Variants in FUT9 observed in about 807,000 individuals in gnomAD.
The protein encoded by FUT9 is 4-galactosyl-N-acetylglucosaminide 3-alpha-L-fucosyltransferase 9.
Under a neutral mutation model 29.7 loss-of-function variants are expected in FUT9, and 15 were observed. The ratio of observed to expected loss-of-function variants is 0.51; its 90% CI spans 0.34 to 0.78. The LOEUF (loss-of-function observed/expected upper bound fraction) is 0.78. FUT9 is among the 30% of genes least tolerant of loss of function. The pLI, the probability that FUT9 is intolerant of heterozygous loss-of-function variation, is 0.01. For synonymous variants in FUT9, 169 were observed against 153.7 expected (o/e 1.10, Z -0.74); for missense variants, 319 against 425.4 (o/e 0.75, Z 2.20).
intron 2 of FUT9, among the ~76,000 whole-genome samples, chr6:96,135,373 A>G (rs1562137988): frequency 6.6e-6 from 1 of 151,906 alleles, no homozygotes; most frequent in South Asian, 2.1e-4. Flanking sequence ...ACAATGTCCT[A>G]TTGGAATTAG....
intron 2 of FUT9, among the ~76,000 whole-genome samples, chr6:96,183,502 G>A (rs1183970893): frequency 6.6e-6 from 1 of 151,948 alleles, no homozygotes; most frequent in African/African-American, 2.4e-5. Context: ...GGTGAGAGTG[G>A]GCATCCTTGT....
Position 96,209,313 on chromosome 6 carries a change from T to C in FUT9, c.*5078T>C, listed in dbSNP as rs1773890565. The C allele has an allele frequency of 2.4e-5, 4 of 166,374 alleles. No homozygotes were observed. Among genetic ancestry groups the C allele is most frequent in the Admixed American group, 6.6e-5 (1 of 15,226 alleles). The allele number at this position is 166,374 out of a possible 1,614,324, so 10.3% of individuals were successfully genotyped here. ...CTGTGTAGATATTTAAAGTATGAAA[T>C]TGATTATTTAAACTAATATGTGGAA... On this transcript the variant is annotated 3_prime_UTR_variant, in exon 3 of 3. Coordinates refer to ENST00000302103, the MANE Select transcript of FUT9 (RefSeq NM_006581.4).
chr6:96,079,876 T>C (rs950792040), intron 1 of FUT9, among the ~76,000 whole-genome samples: 2 of 151,990 alleles, frequency 1.3e-5, no homozygotes, highest in African/African-American at 4.8e-5. Flanking sequence ...TTTAATAAAC[T>C]CTAAGAAAAT....
chr6:96,064,499 A>G (rs190349388), intron 1 of FUT9, among the ~76,000 whole-genome samples: 16 of 152,250 alleles, frequency 1.1e-4, no homozygotes, highest in African/African-American at 3.9e-4. Context: ...TAGAGCAAGG[A>G]GCTCTTAGAG....
intron 1 of FUT9, among the ~76,000 whole-genome samples, chr6:96,090,733 A>T (rs17056087): frequency 0.26 from 40,125 of 151,574 alleles, 6,238 homozygotes; most frequent in Non-Finnish European, 0.34. Context: ...GACAATTATT[A>T]AAAAAAAGTT....
chr6:96,089,121 C>T lies in FUT9; in HGVS notation c.-97-24918C>T, dbSNP rs527905230. 2.0e-5 allele frequency among the ~76,000 whole-genome samples: 3 copies of T among 152,270 alleles called. No homozygotes were observed. The South Asian group carries it at 6.2e-4, about 32-fold the overall frequency. ...GAATACAAACTATAACTATTCCTGGCCATATGTGAGATCTGAAGGGTTGCT... is the reference window on the plus strand; with the variant it reads ...GAATACAAACTATAACTATTCCTGGTCATATGTGAGATCTGAAGGGTTGCT... On this transcript the variant is annotated intron_variant, in intron 1 of 2. Coordinates refer to ENST00000302103, the MANE Select transcript of FUT9 (RefSeq NM_006581.4).
rs566831406 is a variant in FUT9, at chr6:96,206,888, A to G, written c.*2653A>G. 4.8e-5 allele frequency: 8 copies of G among 167,134 alleles called. No homozygotes were observed. The Admixed American group carries it at 5.2e-4, about 11-fold the overall frequency. The allele number at this position is 167,134 out of a possible 1,614,324, so 10.4% of individuals were successfully genotyped here. On this transcript the variant is annotated 3_prime_UTR_variant, in exon 3 of 3. Transcript: ENST00000302103. Reference sequence around the variant, plus strand: ...TGAAAGACCTAAAGGCAGTGTCTCTATTGTTGACTACAAATGTAGGCTCTT... The same window carrying G: ...TGAAAGACCTAAAGGCAGTGTCTCTGTTGTTGACTACAAATGTAGGCTCTT...
chr6:96,203,282 T>C lies in FUT9; in HGVS notation c.127T>C (p.Ser43Pro). The change falls in exon 3 of 3, where the codon TCA (serine) becomes CCA (proline). Residue 43 changes from serine to proline, a missense_variant. By Grantham distance (74) the Ser-to-Pro change is moderately conservative. Coordinates refer to ENST00000302103, the MANE Select transcript of FUT9 (RefSeq NM_006581.4). ...CAGCTGGATCTTCAGTCCAATGGAA[T>C]CAGCCAGCTCTGTGCTGAAAATGAA... is the stretch of plus-strand genomic sequence containing the variant. ...TNSWIFSPMESASSVLKMKNF... is the reference protein window; with the variant it reads ...TNSWIFSPMEPASSVLKMKNF... The C allele has an allele frequency of 6.2e-7, 1 of 1,613,942 alleles. No homozygotes were observed. The highest frequency in any genetic ancestry group is 8.5e-7 in the Non-Finnish European group (1 of 1,179,922).
chr6:96,173,905 A>C (rs753442065), intron 2 of FUT9, among the ~76,000 whole-genome samples: 1 of 152,048 alleles, frequency 6.6e-6, no homozygotes, highest in Non-Finnish European at 1.5e-5. Context: ...CTATTAAAAA[A>C]CCATTTTGCA....
intron 1 of FUT9, among the ~76,000 whole-genome samples, chr6:96,098,110 GA>G (rs35825355): frequency 6.6e-6 from 1 of 150,682 alleles, no homozygotes; most frequent in Non-Finnish European, 1.5e-5. Flanking sequence ...AGAAAACAAA[GA>G]AAAAAAAATA....
At chr6:96,112,035 T>A (rs1244791233) in intron 1 of FUT9, among the ~76,000 whole-genome samples, 2 of 152,204 alleles carry the variant, frequency 1.3e-5, no homozygotes, top group African/African-American at 4.8e-5. Flanking sequence ...TTATTTTTTC[T>A]AATTGGGACT....
chr6:96,112,012 A>G (rs1258619446), intron 1 of FUT9, among the ~76,000 whole-genome samples: 1 of 152,192 alleles, frequency 6.6e-6, no homozygotes, highest in Non-Finnish European at 1.5e-5. Flanking sequence ...CATTTACTCT[A>G]TAAAGCATTT....
At chr6:96,072,564 C>CCACAATT (rs1318009980) in intron 1 of FUT9, among the ~76,000 whole-genome samples, 1 of 152,092 alleles carries the variant, frequency 6.6e-6, no homozygotes, top group East Asian at 1.9e-4. Context: ...ATAATGATGT[C>CCACAATT]CACAATTCAC....
Position 96,177,905 on chromosome 6 carries a change from T to G in FUT9, c.-8-25243T>G, listed in dbSNP as rs577047927. On this transcript the variant is annotated intron_variant, in intron 2 of 2. Transcript: ENST00000302103. ...AAAATTATTACTCTTCCATTAGAAT[T>G]ACACCAACCAATAATATTTATACAG... 4.4e-4 allele frequency among the ~76,000 whole-genome samples: 67 copies of G among 152,278 alleles called. 1 individual carries two copies. The South Asian group carries it at 0.013, about 31-fold the overall frequency.
At chr6:96,082,210 T>A (rs976054910) in intron 1 of FUT9, among the ~76,000 whole-genome samples, 1 of 151,806 alleles carries the variant, frequency 6.6e-6, no homozygotes, top group Non-Finnish European at 1.5e-5. Context: ...TTTTTATTAT[T>A]CTTTAGCAGA....
intron 2 of FUT9, among the ~76,000 whole-genome samples, chr6:96,142,139 C>T (rs1772474954): frequency 6.6e-6 from 1 of 152,214 alleles, no homozygotes; most frequent in South Asian, 2.1e-4. Flanking sequence ...AGAGGTTGAA[C>T]AGGGTATAGA....
intron 1 of FUT9, among the ~76,000 whole-genome samples, chr6:96,042,238 T>C (rs1391079705): frequency 6.6e-6 from 1 of 152,174 alleles, no homozygotes; most frequent in East Asian, 1.9e-4. Context: ...ACTATGGACA[T>C]GGAGGCAAGT....
chr6:96,106,990 A>G (rs1399661789), intron 1 of FUT9, among the ~76,000 whole-genome samples: 1 of 152,226 alleles, frequency 6.6e-6, no homozygotes, highest in Non-Finnish European at 1.5e-5. Context: ...AAGCAGAGTG[A>G]AGCTGATGCA....
intron 1 of FUT9, among the ~76,000 whole-genome samples, chr6:96,081,139 C>T (rs1771230422): frequency 6.6e-6 from 1 of 151,618 alleles, no homozygotes; most frequent in Admixed American, 6.6e-5. Context: ...ATGAAAGAAA[C>T]ATAAAAAGTA....
Sources: allele counts gnomAD v4.1 joint callset (sites outside exome capture counted in the v4.1 genomes callset), GRCh38; gene constraint gnomAD v4.1.1; transcripts MANE v1.5; gene names NCBI Gene and HGNC (gene_info 2026-07-23, HGNC 2026-07-21).